The following HSP90B1 variants were observed in gnomAD, a reference collection of about 807,000 sequenced individuals.
HSP90B1 encodes heat shock protein 90 beta family member 1, also known as endoplasmin.
A neutral mutation model predicts 100.4 loss-of-function variants in HSP90B1; 27 were observed. The ratio of observed to expected loss-of-function variants is 0.27; its 90% CI spans 0.20 to 0.37. The LOEUF is 0.37. HSP90B1 is among the 10% of genes least tolerant of loss of function. The pLI is 1.00. For synonymous variants in HSP90B1, 304 were observed against 330.8 expected, an observed-to-expected ratio of 0.92 and a Z score of 0.88; for missense variants, 678 against 960.5, an observed-to-expected ratio of 0.71 and a Z score of 3.89.
At chr12:103,942,260 T>A (rs1172222622) in intron 11 of HSP90B1, among the ~76,000 whole-genome samples, 1 of 152,208 alleles carries the variant, frequency 6.6e-6, no homozygotes, top group Non-Finnish European at 1.5e-5. Flanking sequence ...GTAGCATATT[T>A]GTTCACTTCA....
intron 2 of HSP90B1, 198 bp from the exon 3 acceptor site, chr12:103,932,079 G>A (rs1026771432): frequency 4.7e-5 from 24 of 511,466 alleles, no homozygotes; most frequent in African/African-American, 4.4e-4. Context: ...TTTAAGAACC[G>A]AGTATTTCCA....
intron 6 of HSP90B1, 127 bp downstream of exon 6, chr12:103,937,933 G>A (rs560979487): frequency 1.5e-5 from 8 of 544,786 alleles, no homozygotes; most frequent in Admixed American, 6.9e-5. Flanking sequence ...TTGGGAGGCC[G>A]AGACAGGTGG....
Position 103,941,511 on chromosome 12 carries a change from T to G in HSP90B1, c.1194T>G (p.Phe398Leu), listed in dbSNP as rs1319810115. ...CCACATCTGCTCCACGTGGTCTGTT[T>G]GACGAATATGGATCTAAAAAGAGCG... is the stretch of plus-strand genomic sequence containing the variant. Reference protein sequence around the residue: ...FVPTSAPRGLFDEYGSKKSDY... With the variant: ...FVPTSAPRGLLDEYGSKKSDY... Residue 398 changes from phenylalanine (F) to leucine (L), a missense_variant, in exon 9 of 18, where the codon TTT (phenylalanine) becomes TTG (leucine). Phe to Leu is a conservative substitution (Grantham distance 22). Transcript: ENST00000299767. 8 of 1,614,040 alleles carry G rather than the reference T, an allele frequency of 5.0e-6. No individual in the cohort carries two copies. Among genetic ancestry groups the G allele is most frequent in the Non-Finnish European group, 6.8e-6 (8 of 1,180,006 alleles).
At position 103,934,158 on chromosome 12, in the gene HSP90B1, T is replaced by A; in HGVS notation, c.614T>A (p.Val205Glu). 1.9e-6 allele frequency: 3 copies of A among 1,614,202 alleles called. No homozygotes were observed. The highest frequency in any genetic ancestry group is 2.5e-6 in the Non-Finnish European group (3 of 1,180,020). The change falls in exon 5 of 18, where the codon GTA (valine) becomes GAA (glutamate). Residue 205 changes from valine to glutamate, a missense_variant. Around this residue, in one of 8 missense-constraint regions of HSP90B1, gnomAD observed 238 missense variants for 346.7 expected, o/e 0.69. Coordinates refer to ENST00000299767, the MANE Select transcript of HSP90B1 (RefSeq NM_003299.3). ...GTCGGTTTCTATTCCGCCTTCCTTG[T>A]AGCAGATAAGGTTATTGTCACTTCA... ...FGVGFYSAFL[V>E]ADKVIVTSKH...
chr12:103,935,739 G>A (rs539162087), intron 5 of HSP90B1, among the ~76,000 whole-genome samples: 1 of 152,272 alleles, frequency 6.6e-6, no homozygotes, highest in South Asian at 2.1e-4. Flanking sequence ...TAAGCACTGG[G>A]CTAGATGTTG....
rs141949667 is a variant in HSP90B1, at chr12:103,943,773, A to G, written c.1926A>G (p.Glu642=). The change falls in exon 14 of 18, where the codon GAA becomes GAG. Residue 642 remains glutamate, a synonymous_variant. Transcript: ENST00000299767. The surrounding 1 kb of genome is among the most constrained non-coding windows in gnomAD (Gnocchi z 5.3). ...CTGTGGTGTCTCAGCGCCTGACAGA[A>G]TCTCCGTGTGCTTTGGTGGCCAGCC... ...EKAVVSQRLT[E]SPCALVASQY... The G allele has an allele frequency of 1.2e-6, 2 of 1,614,006 alleles. No homozygotes were observed. Among genetic ancestry groups the G allele is most frequent in the Non-Finnish European group, 1.7e-6 (2 of 1,180,016 alleles).
rs760736957 is a variant in HSP90B1 at position 103,938,472 on chromosome 12, T to C, written c.975+13T>C. On this transcript the variant is annotated intron_variant, in intron 7 of 17. Coordinates refer to ENST00000299767, the MANE Select transcript of HSP90B1 (RefSeq NM_003299.3). ...AAAGACTAAAAAAGTAAGTCTGGTT[T>C]ATCTCCCTGCATAAGATATTGTTTA... is the stretch of plus-strand genomic sequence containing the variant. 56 of 1,608,038 alleles carry C rather than the reference T, an allele frequency of 3.5e-5. No individual in the cohort carries two copies. The highest frequency in any genetic ancestry group is 3.5e-5 in the Non-Finnish European group (41 of 1,177,748).
intron 5 of HSP90B1, among the ~76,000 whole-genome samples, chr12:103,935,434 A>G (rs17034938): frequency 0.15 from 23,560 of 152,010 alleles, 2,059 homozygotes; most frequent in South Asian, 0.24. Context: ...GAGTAACAGA[A>G]TGTGCCCACA....
intron 14 of HSP90B1, among the ~76,000 whole-genome samples, chr12:103,946,305 G>T (rs1395708401): frequency 1.3e-4 from 20 of 152,138 alleles, no homozygotes; most frequent in Admixed American, 5.2e-4. Flanking sequence ...AAATATTCTA[G>T]TCCCCCAGTC....
intron 12 of HSP90B1, 68 bp downstream of exon 12, chr12:103,942,864 A>AGG: frequency 5.1e-6 from 8 of 1,563,832 alleles, no homozygotes; most frequent in Non-Finnish European, 7.0e-6. Context: ...CCAACTCTTG[A>AGG]GGGGGAGAAA....
intron 8 of HSP90B1, 98 bp from the exon 9 acceptor site, chr12:103,941,312 A>C: frequency 7.9e-7 from 1 of 1,257,882 alleles, no homozygotes; most frequent in Non-Finnish European, 1.1e-6. Flanking sequence ...TTGTTAGTTA[A>C]TTGCTAAACT....
At chr12:103,933,738 C>G (rs1869829982) in intron 4 of HSP90B1, among the ~76,000 whole-genome samples, 1 of 152,176 alleles carries the variant, frequency 6.6e-6, no homozygotes, top group Non-Finnish European at 1.5e-5. Context: ...GACATTTAGG[C>G]CAGTCTGCCC....
intron 7 of HSP90B1, among the ~76,000 whole-genome samples, chr12:103,939,225 A>G (rs982449153): frequency 3.5e-5 from 2 of 56,488 alleles, no homozygotes; most frequent in African/African-American, 1.3e-4. Context: ...TCAGCCTCCC[A>G]AGTAGCTAGG....
chr12:103,942,106 T>A (rs1349085610), intron 11 of HSP90B1, among the ~76,000 whole-genome samples: 5 of 152,166 alleles, frequency 3.3e-5, no homozygotes, highest in Non-Finnish European at 1.5e-5. Flanking sequence ...AGAAAAAAAT[T>A]AAAGAATTGT....
At chr12:103,933,412 T>C (rs796960721) in intron 4 of HSP90B1, among the ~76,000 whole-genome samples, 8 of 152,376 alleles carry the variant, frequency 5.3e-5, no homozygotes, top group African/African-American at 1.7e-4. Context: ...CTCATACTAT[T>C]ATAATTAAAG....
At chr12:103,933,932 A>C in intron 4 of HSP90B1, 24 bp from the exon 5 acceptor site, 1 of 1,573,834 alleles carries the variant, frequency 6.4e-7, no homozygotes, top group Non-Finnish European at 8.7e-7. Context: ...AAATACAACT[A>C]TCTGGTTCTT....
intron 8 of HSP90B1, 149 bp downstream of exon 8, chr12:103,939,774 A>C (rs1051572027): frequency 8.4e-6 from 4 of 474,314 alleles, no homozygotes; most frequent in Non-Finnish European, 1.5e-5. Flanking sequence ...AAAGACCTTT[A>C]GGCCAACTAT....
rs758606058 is a variant in HSP90B1 at position 103,939,632 on chromosome 12, AT to A, written c.1092+10del. ...CTACAAATCATTTTCAAAGGTAAATATTTATAATTCCCTAGTTTCTGGTTAT... is the reference window on the plus strand; with the variant it reads ...CTACAAATCATTTTCAAAGGTAAATATTATAATTCCCTAGTTTCTGGTTAT... On this transcript the variant is annotated splice_region_variant and intron_variant, in intron 8 of 17. Transcript: ENST00000299767. The A allele has an allele frequency of 1.5e-4, 190 of 1,274,086 alleles. No homozygotes were observed. The highest frequency in any genetic ancestry group is 1.1e-4 in the Admixed American group (5 of 43,648). 78.9% of individuals were successfully genotyped at this position (1,274,086 alleles called of 1,614,324 possible).
Position 103,938,433 on chromosome 12 carries a change from G to C in HSP90B1, c.949G>C (p.Glu317Gln). ...TGAAGCTGCAGTAGAGGAAGAAGAAGAAGAAAAGAAACCAAAGACTAAAAA... is the reference window on the plus strand; with the variant it reads ...TGAAGCTGCAGTAGAGGAAGAAGAACAAGAAAAGAAACCAAAGACTAAAAA... ...DDEAAVEEEE[E>Q]EKKPKTKKVE... Residue 317 changes from glutamate (E) to glutamine (Q), a missense_variant, in exon 7 of 18, where the codon GAA becomes CAA. Around this residue, in one of 8 missense-constraint regions of HSP90B1, gnomAD observed 238 missense variants for 346.7 expected, o/e 0.69. Transcript: ENST00000299767. The C allele has an allele frequency of 6.2e-7, 1 of 1,607,724 alleles. No homozygotes were observed. Among genetic ancestry groups the C allele is most frequent in the Non-Finnish European group, 8.5e-7 (1 of 1,175,748 alleles).
Sources: gnomAD v4.1 joint callset for allele counts (sites outside exome capture counted in the v4.1 genomes callset) on GRCh38, gnomAD v4.1.1 for gene constraint, gnomAD v4.1.1 regional missense constraint, Gnocchi (gnomAD v3.1) non-coding constraint, MANE v1.5 for transcripts, NCBI Gene and HGNC (gene_info 2026-07-23, HGNC 2026-07-21) for gene names.